MYBPC2: variants seen among roughly 807,000 people sequenced by gnomAD.
MYBPC2 encodes the protein myosin binding protein C2.
A neutral mutation model predicts 137.0 loss-of-function variants in MYBPC2; 122 were observed. The ratio of observed to expected loss-of-function variants is 0.89; its 90% CI spans 0.77 to 1.03. The LOEUF (loss-of-function observed/expected upper bound fraction) is 1.03. Among genes scored for constraint, MYBPC2 ranks in the 50% least tolerant of loss-of-function variants. MYBPC2 has a pLI of 0.00. For missense variants in MYBPC2, 1,500 were observed against 1,534.4 expected (o/e 0.98, Z 0.37); for synonymous variants, 626 against 612.3 (o/e 1.02, Z -0.33).
rs1332945485 is a variant in MYBPC2, at chr19:50,464,511, G to C, written c.3394G>C (p.Glu1132Gln). ...CAACGAGCTGGGCGAGGCGCTGGCT[G>C]AGTGCAAGCTGGAGGTCCGAGGTGA... Reference protein sequence around the residue: ...AVNELGEALAECKLEVRVPQ With the variant: ...AVNELGEALAQCKLEVRVPQ Residue 1132 changes from glutamate (E) to glutamine (Q), a missense_variant, in exon 27 of 28, where the codon GAG becomes CAG. Coordinates refer to ENST00000357701, the MANE Select transcript of MYBPC2 (RefSeq NM_004533.4). 1 of 1,611,162 alleles carries C rather than the reference G, an allele frequency of 6.2e-7. No individual in the cohort carries two copies. Among genetic ancestry groups the C allele is most frequent in the East Asian group, 2.2e-5 (1 of 44,830 alleles).
At chr19:50,456,338 GTCCATCCATCTGTCCA>G (rs911404040) in intron 20 of MYBPC2, among the ~76,000 whole-genome samples, 19 of 131,596 alleles carry the variant, frequency 1.4e-4, no homozygotes, top group Non-Finnish European at 2.7e-4. Context: ...CCATCCGTCT[GTCCATCCATCTGTCCA>G]TCCATCCATC....
Position 50,461,916 on chromosome 19 carries a change from G to C in MYBPC2, c.3108G>C (p.Pro1036=), listed in dbSNP as rs374380507. ...RILKTGITFK[P]FEYKEHDFRM... The stretch of plus-strand genomic sequence containing the variant: ...TCTCCCCAGGAATCACCTTCAAACC[G>C]TTCGAGTATAAGGAGCATGACTTCC... The change falls in exon 26 of 28, where the codon CCG becomes CCC. Residue 1036 remains proline, a synonymous_variant. Transcript: ENST00000357701. 1,544 of 1,597,580 alleles carry C rather than the reference G, an allele frequency of 9.7e-4. 1 individual carries two copies. Among genetic ancestry groups the C allele is most frequent in the Non-Finnish European group, 1.2e-3 (1,461 of 1,171,702 alleles).
At chr19:50,441,546 A>G (rs956722764) in intron 8 of MYBPC2, among the ~76,000 whole-genome samples, 2 of 152,104 alleles carry the variant, frequency 1.3e-5, no homozygotes, top group African/African-American at 2.4e-5. Flanking sequence ...CACCTCAATA[A>G]AGCTGTTTTC....
At position 50,448,358 on chromosome 19, in the gene MYBPC2, C is replaced by T; in HGVS notation, c.1440C>T (p.Pro480=). ...ATAAGAATGGGGTCGAGGTGCGGCC[C>T]AGCAAGAGGATCACCATTTCCCATG... ...KWYKNGVEVR[P]SKRITISHVG... The change falls in exon 13 of 28, where the codon CCC becomes CCT. Residue 480 remains proline (P), a synonymous_variant. Coordinates refer to ENST00000357701, the MANE Select transcript of MYBPC2 (RefSeq NM_004533.4). 1.2e-6 allele frequency: 2 copies of T among 1,613,722 alleles called. No homozygotes were observed. Among genetic ancestry groups the T allele is most frequent in the Non-Finnish European group, 1.7e-6 (2 of 1,179,730 alleles).
At position 50,454,028 on chromosome 19, in the gene MYBPC2, G is replaced by A. The variant is rs775402646; in HGVS notation, c.1758G>A (p.Thr586=). Residue 586 remains threonine, a synonymous_variant, in exon 17 of 28, where the codon ACG becomes ACA. Transcript: ENST00000357701. Reference sequence around the variant, plus strand: ...CTGGTGGCTGCGTTCAGGTATTCACGACCACCGAGGGCAGGACCCGCATCG... The same window carrying A: ...CTGGTGGCTGCGTTCAGGTATTCACAACCACCGAGGGCAGGACCCGCATCG... ...ATWLKGDEVF[T]TTEGRTRIEK... is the part of the protein sequence containing the mutation. The A allele has an allele frequency of 1.1e-5, 17 of 1,599,270 alleles. No homozygotes were observed. The highest frequency in any genetic ancestry group is 1.7e-4 in the Middle Eastern group (1 of 6,044).
At position 50,448,363 on chromosome 19, in the gene MYBPC2, A is replaced by G. The variant is rs748263073; in HGVS notation, c.1445A>G (p.Lys482Arg). ...AATGGGGTCGAGGTGCGGCCCAGCA[A>G]GAGGATCACCATTTCCCATGTAGGC... ...YKNGVEVRPS[K>R]RITISHVGRF... The change falls in exon 13 of 28, where the codon AAG (lysine) becomes AGG (arginine). Residue 482 changes from lysine to arginine, a missense_variant. Lys to Arg is a conservative substitution (Grantham distance 26). Transcript: ENST00000357701. 7 of 1,613,740 alleles carry G rather than the reference A, an allele frequency of 4.3e-6. No homozygotes were observed. Among genetic ancestry groups the G allele is most frequent in the East Asian group, 2.2e-5 (1 of 44,880 alleles).
chr19:50,436,181 A>G (rs1389055132), intron 4 of MYBPC2, 21 bp downstream of exon 4: 4 of 1,574,454 alleles, frequency 2.5e-6, no homozygotes, highest in Admixed American at 3.7e-5. Context: ...CGTGGGCCAG[A>G]GGGCTGGTGG....
At chr19:50,462,079 G>A in intron 26 of MYBPC2, 43 bp downstream of exon 26, 8 of 1,543,502 alleles carry the variant, frequency 5.2e-6, no homozygotes, top group Non-Finnish European at 7.0e-6. Context: ...GTTGCCTTGT[G>A]GGGAATCTTC....
intron 1 of MYBPC2, among the ~76,000 whole-genome samples, chr19:50,433,642 G>T (rs942788783): frequency 4.0e-5 from 6 of 151,604 alleles, no homozygotes; most frequent in African/African-American, 1.2e-4. Flanking sequence ...TGATCCACCC[G>T]CCTCAGCCTC....
chr19:50,441,552 T>C (rs1259589272), intron 8 of MYBPC2, among the ~76,000 whole-genome samples: 1 of 152,140 alleles, frequency 6.6e-6, no homozygotes, highest in Non-Finnish European at 1.5e-5. Context: ...AATAAAGCTG[T>C]TTTCAGGCTG....
chr19:50,464,573 C>A, intron 27 of MYBPC2, 41 bp downstream of exon 27: 2 of 1,553,536 alleles, frequency 1.3e-6, no homozygotes, highest in East Asian at 2.3e-5. Context: ...GACCCTTGCT[C>A]GGGCCCTGTG....
chr19:50,463,751 C>T (rs1474229484), intron 26 of MYBPC2, among the ~76,000 whole-genome samples: 1 of 151,990 alleles, frequency 6.6e-6, no homozygotes, highest in Non-Finnish European at 1.5e-5. Flanking sequence ...CCAGCCTGGC[C>T]AACATGGTGA....
intron 20 of MYBPC2, among the ~76,000 whole-genome samples, chr19:50,456,741 TCA>T (rs1190284260): frequency 6.6e-6 from 1 of 152,048 alleles, no homozygotes; most frequent in African/African-American, 2.4e-5. Flanking sequence ...CGGCCCAGTA[TCA>T]TTTTTTCATC....
rs61731790 is a variant in MYBPC2, at chr19:50,436,119, G to A, written c.304G>A (p.Ala102Thr). Residue 102 changes from alanine to threonine, a missense_variant, in exon 4 of 28, where the codon GCC becomes ACC. Coordinates refer to ENST00000357701, the MANE Select transcript of MYBPC2 (RefSeq NM_004533.4). ...KWLELGSKSG[A>T]RFSFKESHNS... ...GCTGGAGCTGGGCAGCAAGAGTGGC[G>A]CCCGCTTCTCCTTCAAGGAGTCCCA... 1,021 of 1,580,692 alleles carry A rather than the reference G, an allele frequency of 6.5e-4. No individual in the cohort carries two copies. The highest frequency in any genetic ancestry group is 3.9e-3 in the African/African-American group (291 of 74,230).
At position 50,460,051 on chromosome 19, in the gene MYBPC2, C is replaced by T; in HGVS notation, c.2803C>T (p.Pro935Ser). 7 of 1,546,100 alleles carry T rather than the reference C, an allele frequency of 4.5e-6. No individual in the cohort carries two copies. Among genetic ancestry groups the T allele is most frequent in the Non-Finnish European group, 5.3e-6 (6 of 1,141,802 alleles). The stretch of plus-strand genomic sequence containing the variant: ...TTCCCCATTTCCAGAAAAGGCTGGG[C>T]CCCCCATAAACGTGATGGTGAAGGA... Reference protein sequence around the residue: ...IRIRVVEKAGPPINVMVKEVW... With the variant: ...IRIRVVEKAGSPINVMVKEVW... Residue 935 changes from proline to serine, a missense_variant, in exon 24 of 28, where the codon CCC (proline) becomes TCC (serine). Pro to Ser is a moderately conservative substitution (Grantham distance 74, BLOSUM62 -1). Coordinates refer to ENST00000357701, the MANE Select transcript of MYBPC2 (RefSeq NM_004533.4).
Position 50,458,683 on chromosome 19 carries a change from T to A in MYBPC2, c.2435T>A (p.Val812Asp), listed in dbSNP as rs770525477. The change falls in exon 21 of 28, where the codon GTT (valine) becomes GAT (aspartate). Residue 812 changes from valine to aspartate, a missense_variant. Coordinates refer to ENST00000357701, the MANE Select transcript of MYBPC2 (RefSeq NM_004533.4). ...GGAGCCAGAATCCTCTTCCGAGTAG[T>A]TGGGGTCAACATCGCGGGGCGCAGC... ...PTGARILFRV[V>D]GVNIAGRSEP... 3.7e-6 allele frequency: 6 copies of A among 1,611,976 alleles called. No homozygotes were observed. The highest frequency in any genetic ancestry group is 1.7e-5 in the Admixed American group (1 of 59,998).
chr19:50,446,986 T>TAAA lies in MYBPC2; in HGVS notation c.1306+951_1306+953dup, dbSNP rs529228553. On this transcript the variant is annotated intron_variant, in intron 12 of 27. Transcript: ENST00000357701. ...TGGGTGACAGAGCAAGACTCCGTCTTAAAAAAAAAAAAAAAAAAATCTGAA... is the reference window on the plus strand; with the variant it reads ...TGGGTGACAGAGCAAGACTCCGTCTTAAAAAAAAAAAAAAAAAAAAAATCTGAA... Among the ~76,000 whole-genome samples, 184 of 130,010 alleles carry TAAA rather than the reference T, an allele frequency of 1.4e-3. 1 individual carries two copies. The highest frequency in any genetic ancestry group is 5.0e-3 in the African/African-American group (173 of 34,484). The allele number at this position is 130,010 out of a possible 152,430, so 85.3% of individuals were successfully genotyped here. A position where few individuals can be genotyped will look rare whatever the true frequency, so the allele number is the denominator to read the frequency against.
intron 12 of MYBPC2, among the ~76,000 whole-genome samples, chr19:50,446,382 G>A (rs890012480): frequency 5.9e-5 from 9 of 151,760 alleles, no homozygotes; most frequent in East Asian, 3.9e-4. Context: ...GCATTGCGGC[G>A]TGCACCTGTA....
intron 18 of MYBPC2, 51 bp downstream of exon 18, chr19:50,454,420 G>GTTTTTTT (rs36109908): frequency 8.1e-6 from 6 of 739,122 alleles, no homozygotes; most frequent in African/African-American, 3.1e-5. Flanking sequence ...TCTGCCTTCT[G>GTTTTTTT]TTTTTTTTTT....
Sources: allele counts gnomAD v4.1 joint callset (sites outside exome capture counted in the v4.1 genomes callset), GRCh38; gene constraint gnomAD v4.1.1; transcripts MANE v1.5; gene names NCBI Gene and HGNC (gene_info 2026-07-23, HGNC 2026-07-21).